SLC6A13: variants seen among roughly 807,000 people sequenced by gnomAD.
SLC6A13 encodes the protein sodium- and chloride-dependent GABA transporter 2.
SLC6A13 carries 69 observed loss-of-function variants against 72.9 expected under a neutral mutation model. The observed-to-expected ratio is 0.95, with a 90% confidence interval of 0.78 to 1.16. The LOEUF (loss-of-function observed/expected upper bound fraction) is 1.16. Ranked by LOEUF, SLC6A13 falls within the 50% of genes most tolerant of loss-of-function variation. The probability of loss-of-function intolerance (pLI) is 0.00; values close to 1 mark genes in which losing one functional copy is unlikely to be tolerated. For missense variants in SLC6A13, 735 were observed against 760.5 expected (o/e 0.97, Z 0.39); for synonymous variants, 303 against 303.0 (o/e 1.00, Z 0.00).
intron 7 of SLC6A13, among the ~76,000 whole-genome samples, chr12:230,447 C>T (rs1026043262): frequency 1.3e-5 from 2 of 152,074 alleles, no homozygotes; most frequent in Non-Finnish European, 2.9e-5. Flanking sequence ...TTATTAATTA[C>T]TGGCTGTGCG....
At chr12:257,707 C>T (rs1942791469) in intron 2 of SLC6A13, among the ~76,000 whole-genome samples, 1 of 122,490 alleles carries the variant, frequency 8.2e-6, no homozygotes, top group South Asian at 3.0e-4. Context: ...AGACTCACCA[C>T]GCAGCCCTGG....
intron 2 of SLC6A13, among the ~76,000 whole-genome samples, 163 bp from the exon 3 acceptor site, chr12:243,976 A>G (rs993540784): frequency 3.4e-5 from 3 of 88,692 alleles, no homozygotes. Context: ...CATAGCAGAG[A>G]TCAAGAGTCA....
At chr12:232,029 T>A (rs1366784354) in intron 7 of SLC6A13, among the ~76,000 whole-genome samples, 4 of 152,238 alleles carry the variant, frequency 2.6e-5, no homozygotes, top group Admixed American at 6.5e-5. Context: ...TAGGCCTTAA[T>A]GTCCTAATCT....
chr12:261,924 T>G (rs1005850253), intron 1 of SLC6A13, among the ~76,000 whole-genome samples: 2 of 140,178 alleles, frequency 1.4e-5, no homozygotes, highest in African/African-American at 5.2e-5. Context: ...AGACTCTGTC[T>G]CAAAAAAAAG....
At chr12:237,790 T>C in intron 5 of SLC6A13, 136 bp downstream of exon 5, 2 of 677,268 alleles carry the variant, frequency 3.0e-6, no homozygotes, top group Non-Finnish European at 2.6e-6. Context: ...ACCACAAACA[T>C]AGGCACCACA....
At position 224,071 on chromosome 12, in the gene SLC6A13, C is replaced by T. The variant is rs772374178; in HGVS notation, c.1232G>A (p.Arg411His). 8.6e-5 allele frequency: 139 copies of T among 1,614,008 alleles called. No homozygotes were observed. The highest frequency in any genetic ancestry group is 1.1e-4 in the Non-Finnish European group (133 of 1,180,002). ...ALVDMYPHVF[R>H]KKNRREVLIL... ...GAGGACTTCCCTCCGGTTCTTCTTG[C>T]GGAACACGTGAGGGTACATGTCCAC... The change falls in exon 11 of 15, where the codon CGC (arginine) becomes CAC (histidine). Residue 411 changes from arginine to histidine, a missense_variant. Coordinates refer to ENST00000343164, the MANE Select transcript of SLC6A13 (RefSeq NM_016615.5).
chr12:246,273 G>A (rs963576605), intron 2 of SLC6A13, among the ~76,000 whole-genome samples: 3 of 151,822 alleles, frequency 2.0e-5, no homozygotes, highest in African/African-American at 4.8e-5. Flanking sequence ...AACCGAGATC[G>A]CTCCACTGCA....
intron 13 of SLC6A13, among the ~76,000 whole-genome samples, 157 bp from the exon 14 acceptor site, chr12:221,703 C>A (rs1281653015): frequency 6.6e-6 from 1 of 152,224 alleles, no homozygotes; most frequent in African/African-American, 2.4e-5. Context: ...CATCCACACT[C>A]TGCCCAAAAC....
At chr12:252,486 G>A (rs1360243324) in intron 2 of SLC6A13, among the ~76,000 whole-genome samples, 1 of 152,156 alleles carries the variant, frequency 6.6e-6, no homozygotes, top group Non-Finnish European at 1.5e-5. Flanking sequence ...AACTATGTGT[G>A]GTTTATTGTA....
rs140488196 is a variant in SLC6A13, at chr12:250,602, C to A, written c.203-6789G>T. Among the ~76,000 whole-genome samples the A allele has an allele frequency of 6.7e-3, 1,022 of 152,122 alleles. 15 individuals are homozygous for A. Among genetic ancestry groups the A allele is most frequent in the African/African-American group, 0.024 (996 of 41,506 alleles). On this transcript the variant is annotated intron_variant, in intron 2 of 14. Transcript: ENST00000343164. ...ACAAAAGTTGTGAAAGATATATGTACACTCACAACTACAAAACATTGCTGA... is the reference window on the plus strand; with the variant it reads ...ACAAAAGTTGTGAAAGATATATGTAAACTCACAACTACAAAACATTGCTGA...
intron 2 of SLC6A13, among the ~76,000 whole-genome samples, chr12:257,919 A>T (rs1229116678): frequency 6.6e-6 from 1 of 151,960 alleles, no homozygotes; most frequent in Admixed American, 6.6e-5. Context: ...AAAGCTGCTC[A>T]CCTCCTAATC....
In SLC6A13 at chr12:254,032, T is replaced by C. The variant is rs1259338811; in HGVS notation, c.202+5819A>G. Among the ~76,000 whole-genome samples, 1 of 152,236 alleles carries C rather than the reference T, an allele frequency of 6.6e-6. No homozygotes were observed. Among genetic ancestry groups the C allele is most frequent in the African/African-American group, 2.4e-5 (1 of 41,462 alleles). On this transcript the variant is annotated intron_variant, in intron 2 of 14. Coordinates refer to ENST00000343164, the MANE Select transcript of SLC6A13 (RefSeq NM_016615.5). The surrounding 1 kb of genome is among the most constrained non-coding windows in gnomAD (Gnocchi z 4.4). ...ATGACCAGAACCCTCTCCCGCTACC[T>C]TCTTCCCACATCACGCCTCCTGCGT...
At chr12:256,202 G>A (rs910913730) in intron 2 of SLC6A13, among the ~76,000 whole-genome samples, 1 of 152,118 alleles carries the variant, frequency 6.6e-6, no homozygotes, top group Non-Finnish European at 1.5e-5. Context: ...TATGCCCTAT[G>A]AGGACAGGGA....
intron 2 of SLC6A13, chr12:259,202 A>G (rs905513403): frequency 5.2e-6 from 5 of 955,522 alleles, no homozygotes; most frequent in Non-Finnish European, 6.2e-6. Flanking sequence ...GCTACTATTT[A>G]TTACTTAAGA....
intron 3 of SLC6A13, among the ~76,000 whole-genome samples, chr12:243,267 G>A (rs906330779): frequency 7.9e-5 from 12 of 152,066 alleles, no homozygotes; most frequent in Admixed American, 1.3e-4. Context: ...CACCTGCCTC[G>A]GCCTCCCAAA....
In SLC6A13 at chr12:220,879, CT is replaced by C; in HGVS notation, c.*68del. 1.9e-6 allele frequency: 3 copies of C among 1,591,130 alleles called. No homozygotes were observed. Among genetic ancestry groups the C allele is most frequent in the Non-Finnish European group, 2.6e-6 (3 of 1,172,074 alleles). On this transcript the variant is annotated 3_prime_UTR_variant, in exon 15 of 15. Coordinates refer to ENST00000343164, the MANE Select transcript of SLC6A13 (RefSeq NM_016615.5). ...GGGGGCAGGGAAGCACATGGGGCTG[CT>C]TCTGCCACGTTCCCTCCACAGCCAT...
At chr12:250,972 C>T (rs538433662) in intron 2 of SLC6A13, among the ~76,000 whole-genome samples, 10 of 151,488 alleles carry the variant, frequency 6.6e-5, no homozygotes, top group East Asian at 1.9e-4. Context: ...CTGGCCAACA[C>T]GGTGAAACCC....
intron 13 of SLC6A13, 64 bp downstream of exon 13, chr12:222,468 T>G: frequency 9.7e-7 from 1 of 1,030,498 alleles, no homozygotes; most frequent in Non-Finnish European, 1.5e-6. Flanking sequence ...TAACGGCTTC[T>G]CTACCCCTGC....
chr12:222,770 G>GAA, intron 12 of SLC6A13, 138 bp from the exon 13 acceptor site: 1 of 602,086 alleles, frequency 1.7e-6, no homozygotes, highest in Non-Finnish European at 2.9e-6. Context: ...TCAAGTCGTT[G>GAA]CTGGGAAAAA....
Sources: allele counts gnomAD v4.1 joint callset (sites outside exome capture counted in the v4.1 genomes callset), GRCh38; gene constraint gnomAD v4.1.1; non-coding constraint Gnocchi (gnomAD v3.1); transcripts MANE v1.5; gene names NCBI Gene and HGNC (gene_info 2026-07-23, HGNC 2026-07-21).